The following EYA4 variants were observed in gnomAD, a reference collection of about 807,000 sequenced individuals.
The protein encoded by EYA4 is EYA transcriptional coactivator and phosphatase 4, also known as protein phosphatase EYA4.
Under a neutral mutation model 87.9 loss-of-function variants are expected in EYA4, and 31 were observed. The observed-to-expected ratio is 0.35, with a 90% CI of 0.27 to 0.48. The LOEUF is 0.48. EYA4 is among the 20% of genes least tolerant of loss of function. The pLI, the probability that EYA4 is intolerant of heterozygous loss-of-function variation, is 0.99. For missense variants in EYA4, 678 were observed against 761.4 expected (o/e 0.89, Z 1.29); for synonymous variants, 263 against 270.6 (o/e 0.97, Z 0.28).
At chr6:133,428,150 A>C (rs1790839559) in intron 3 of EYA4, among the ~76,000 whole-genome samples, 1 of 152,188 alleles carries the variant, frequency 6.6e-6, no homozygotes, top group Non-Finnish European at 1.5e-5. Flanking sequence ...AAGTTAGAAG[A>C]GTCTATAGAA....
At chr6:133,392,164 C>G (rs1787358600) in intron 3 of EYA4, among the ~76,000 whole-genome samples, 1 of 152,138 alleles carries the variant, frequency 6.6e-6, no homozygotes, top group African/African-American at 2.4e-5. Flanking sequence ...ATACCCATCC[C>G]CAAGCTGACC....
chr6:133,356,088 G>A (rs1299206934), intron 2 of EYA4, among the ~76,000 whole-genome samples: 1 of 151,906 alleles, frequency 6.6e-6, no homozygotes, highest in Non-Finnish European at 1.5e-5. Flanking sequence ...AGAAAAGAGT[G>A]TGCTCCTGCT....
At chr6:133,275,163 T>C (rs1311142646) in intron 2 of EYA4, among the ~76,000 whole-genome samples, 1 of 152,188 alleles carries the variant, frequency 6.6e-6, no homozygotes, top group Non-Finnish European at 1.5e-5. Context: ...ATCAGAAGTA[T>C]AAAAGGAGAA....
intron 2 of EYA4, among the ~76,000 whole-genome samples, chr6:133,357,685 T>C (rs1209723877): frequency 6.6e-6 from 1 of 152,088 alleles, no homozygotes; most frequent in Non-Finnish European, 1.5e-5. Flanking sequence ...GAAACAGCTG[T>C]CTTACTAATA....
intron 3 of EYA4, among the ~76,000 whole-genome samples, chr6:133,429,721 G>T (rs1050654005): frequency 4.6e-5 from 7 of 152,124 alleles, no homozygotes; most frequent in African/African-American, 1.2e-4. Context: ...TGATGAAGGG[G>T]CTTTGAGTGA....
At chr6:133,462,580 CTTACTAATTAAATGGT>C in intron 8 of EYA4, 25 bp from the exon 9 acceptor site, 2 of 1,613,292 alleles carry the variant, frequency 1.2e-6, no homozygotes, top group Non-Finnish European at 1.7e-6. Context: ...GGAAAATCAT[CTTACTAATTAAATGGT>C]TTACACATTC....
chr6:133,249,084 T>A (rs1342205343), intron 1 of EYA4, among the ~76,000 whole-genome samples: 1 of 152,192 alleles, frequency 6.6e-6, no homozygotes, highest in Non-Finnish European at 1.5e-5. Flanking sequence ...TCCTTATCAG[T>A]GTTGCTGAAG....
chr6:133,449,924 A>G (rs961052326), intron 5 of EYA4, among the ~76,000 whole-genome samples: 1 of 152,212 alleles, frequency 6.6e-6, no homozygotes, highest in Non-Finnish European at 1.5e-5. Context: ...AATGTTAGAT[A>G]AACTTTGATT....
intron 2 of EYA4, among the ~76,000 whole-genome samples, chr6:133,344,940 C>A (rs188654011): frequency 2.0e-5 from 3 of 152,144 alleles, no homozygotes; most frequent in Admixed American, 2.0e-4. Context: ...GCCATTAATG[C>A]CTTGAGATTT....
intron 3 of EYA4, among the ~76,000 whole-genome samples, chr6:133,445,184 C>T (rs561946778): frequency 1.3e-4 from 20 of 152,278 alleles, no homozygotes; most frequent in Non-Finnish European, 2.4e-4. Context: ...TAATATAACA[C>T]TTCATGCCAA....
intron 13 of EYA4, among the ~76,000 whole-genome samples, chr6:133,504,497 G>A (rs148291286): frequency 3.3e-5 from 5 of 152,254 alleles, no homozygotes; most frequent in South Asian, 2.1e-4. Context: ...GAAATCCAGC[G>A]TATTATTATC....
At chr6:133,302,984 T>A (rs529515313) in intron 2 of EYA4, among the ~76,000 whole-genome samples, 1 of 152,374 alleles carries the variant, frequency 6.6e-6, no homozygotes, top group East Asian at 1.9e-4. Context: ...ACTCTGCTAT[T>A]GAAGGATGAA....
At chr6:133,329,137 T>A (rs1361201502) in intron 2 of EYA4, among the ~76,000 whole-genome samples, 2 of 152,132 alleles carry the variant, frequency 1.3e-5, no homozygotes, top group Admixed American at 6.5e-5. Flanking sequence ...CAACAATTAA[T>A]TCTAGTAAAA....
intron 3 of EYA4, among the ~76,000 whole-genome samples, chr6:133,426,938 T>C (rs1790725897): frequency 6.6e-6 from 1 of 152,238 alleles, no homozygotes; most frequent in Non-Finnish European, 1.5e-5. Flanking sequence ...GAATAGAAGT[T>C]ACAATGTACA....
chr6:133,503,766 G>GT (rs562291290), intron 13 of EYA4, among the ~76,000 whole-genome samples: 140 of 147,326 alleles, frequency 9.5e-4, no homozygotes, highest in Admixed American at 1.3e-3. Flanking sequence ...AAGACAAAAT[G>GT]TTTTTTTTTT....
intron 2 of EYA4, among the ~76,000 whole-genome samples, chr6:133,281,998 T>C (rs1206682788): frequency 6.6e-6 from 1 of 152,142 alleles, no homozygotes; most frequent in Admixed American, 6.5e-5. Context: ...ATAAACCACA[T>C]TTTCTTTATC....
At chr6:133,517,539 A>G (rs1799705923) in intron 17 of EYA4, among the ~76,000 whole-genome samples, 1 of 152,162 alleles carries the variant, frequency 6.6e-6, no homozygotes, top group Non-Finnish European at 1.5e-5. Flanking sequence ...AGGGCAAAAA[A>G]AAAAAAAGTT....
intron 14 of EYA4, among the ~76,000 whole-genome samples, chr6:133,510,000 A>G (rs1934593436): frequency 6.6e-6 from 1 of 152,192 alleles, no homozygotes; most frequent in Non-Finnish European, 1.5e-5. Flanking sequence ...GTCAACAGGC[A>G]TAGTTAACTA....
chr6:133,496,512 T>C (rs1287903152), intron 13 of EYA4, among the ~76,000 whole-genome samples: 1 of 152,198 alleles, frequency 6.6e-6, no homozygotes, highest in Non-Finnish European at 1.5e-5. Flanking sequence ...CCCATCATTC[T>C]TGGTCACCAT....
Sources: allele counts gnomAD v4.1 joint callset (sites outside exome capture counted in the v4.1 genomes callset), GRCh38; gene constraint gnomAD v4.1.1; transcripts MANE v1.5; gene names NCBI Gene and HGNC (gene_info 2026-07-23, HGNC 2026-07-21).